Variants in RIN2 observed in about 807,000 individuals in gnomAD.
RIN2 encodes Ras and Rab interactor 2, also known as RAB5 interacting protein 2.
In RIN2, 36 loss-of-function variants were observed where a neutral mutation model predicts 78.0. The observed-to-expected ratio is 0.46, with a 90% CI of 0.35 to 0.61. The LOEUF (loss-of-function observed/expected upper bound fraction) is 0.61, where lower values mean the gene tolerates loss of function less well. RIN2 is among the 20% of genes least tolerant of loss of function. The probability of loss-of-function intolerance (pLI) is 0.00; values close to 1 mark genes in which losing one functional copy is unlikely to be tolerated. For synonymous variants in RIN2, 466 were observed against 466.8 expected (o/e 1.00, Z 0.02); for missense variants, 1,087 against 1,159.7 (o/e 0.94, Z 0.91).
chr20:19,840,854 C>A (rs2036555786), intron 2 of RIN2, among the ~76,000 whole-genome samples: 1 of 152,178 alleles, frequency 6.6e-6, no homozygotes, highest in African/African-American at 2.4e-5. Flanking sequence ...TCTAGGAACT[C>A]ACAGATTTCA....
At chr20:19,941,070 G>A (rs563452385) in intron 4 of RIN2, among the ~76,000 whole-genome samples, 20 of 152,228 alleles carry the variant, frequency 1.3e-4, no homozygotes, top group African/African-American at 3.4e-4. Flanking sequence ...AGATGCCTGC[G>A]GTCCCATGTC....
In RIN2 at chr20:19,935,096, T is replaced by C. The variant is rs756148676; in HGVS notation, c.58-3T>C. On this transcript the variant is annotated splice_region_variant and splice_polypyrimidine_tract_variant and intron_variant, in intron 3 of 12. Coordinates refer to ENST00000255006, the MANE Select transcript of RIN2 (RefSeq NM_018993.4). ...ACGTCATACTATTTTTGTCTTTGAA[T>C]AGCTCATTGACACAATTGCCTCGGA... is the stretch of plus-strand genomic sequence containing the variant. The C allele has an allele frequency of 1.9e-6, 3 of 1,586,416 alleles. No individual in the cohort carries two copies. The South Asian group carries it at 3.5e-5, about 18-fold the overall frequency.
intron 3 of RIN2, among the ~76,000 whole-genome samples, chr20:19,897,881 T>C (rs1360691241): frequency 6.6e-6 from 1 of 152,094 alleles, no homozygotes; most frequent in Non-Finnish European, 1.5e-5. Context: ...CTGGCAACTT[T>C]TATTTTAGTT....
intron 2 of RIN2, among the ~76,000 whole-genome samples, chr20:19,843,568 T>C (rs2036645693): frequency 6.6e-6 from 1 of 152,220 alleles, no homozygotes; most frequent in African/African-American, 2.4e-5. Context: ...ATTAGGTACT[T>C]AATAGACTAT....
At chr20:19,837,169 A>ACACACACACACACACAC (rs1491093860) in intron 2 of RIN2, among the ~76,000 whole-genome samples, 1 of 140,132 alleles carries the variant, frequency 7.1e-6, no homozygotes, top group African/African-American at 2.7e-5. Context: ...CGCCCCCCCC[A>ACACACACACACACACAC]ACACACACAC....
At chr20:19,813,502 C>T (rs1798058442) in intron 2 of RIN2, among the ~76,000 whole-genome samples, 1 of 152,212 alleles carries the variant, frequency 6.6e-6, no homozygotes, top group African/African-American at 2.4e-5. Flanking sequence ...TCCTAAGAGG[C>T]TTCCATTCGA....
chr20:19,806,630 C>T (rs1038326450), intron 2 of RIN2, among the ~76,000 whole-genome samples: 4 of 152,298 alleles, frequency 2.6e-5, no homozygotes, highest in African/African-American at 9.6e-5. Flanking sequence ...GGTGTGATGG[C>T]TCACACCTGT....
intron 3 of RIN2, among the ~76,000 whole-genome samples, chr20:19,920,825 A>C (rs773322291): frequency 6.6e-6 from 1 of 152,094 alleles, no homozygotes; most frequent in African/African-American, 2.4e-5. Context: ...ACAGGTGTGC[A>C]CCATGTCCAG....
At chr20:19,988,946 C>T (rs1324581237) in intron 9 of RIN2, among the ~76,000 whole-genome samples, 1 of 151,956 alleles carries the variant, frequency 6.6e-6, no homozygotes, top group South Asian at 2.1e-4. Flanking sequence ...GATACATGCA[C>T]GTACACATAC....
intron 2 of RIN2, among the ~76,000 whole-genome samples, chr20:19,866,844 C>T (rs988691733): frequency 1.2e-4 from 19 of 152,004 alleles, no homozygotes; most frequent in East Asian, 3.9e-4. Context: ...AGGCTGATCT[C>T]GATCTCCTGA....
At chr20:19,842,482 T>C (rs914020456) in intron 2 of RIN2, among the ~76,000 whole-genome samples, 32 of 148,668 alleles carry the variant, frequency 2.2e-4, no homozygotes, top group African/African-American at 7.7e-4. Flanking sequence ...CCTCAGGTGA[T>C]CCACCTGCCT....
chr20:19,942,121 AAGAAAG>A (rs2040900731), intron 4 of RIN2, among the ~76,000 whole-genome samples: 1 of 151,916 alleles, frequency 6.6e-6, no homozygotes, highest in Non-Finnish European at 1.5e-5. Flanking sequence ...AAAAAAAAAA[AAGAAAG>A]AGAAAGTATT....
chr20:19,839,578 A>G (rs755975493), intron 2 of RIN2, among the ~76,000 whole-genome samples: 4 of 152,198 alleles, frequency 2.6e-5, no homozygotes, highest in Admixed American at 6.5e-5. Context: ...CTGTCTTAAG[A>G]GAATTGCTTG....
At chr20:19,857,215 A>G (rs2037195448) in intron 2 of RIN2, among the ~76,000 whole-genome samples, 1 of 152,306 alleles carries the variant, frequency 6.6e-6, no homozygotes, top group Non-Finnish European at 1.5e-5. Context: ...CTCCATATAT[A>G]TGGAATCAAA....
chr20:19,947,804 G>A (rs1302087094), intron 4 of RIN2, among the ~76,000 whole-genome samples: 5 of 152,224 alleles, frequency 3.3e-5, no homozygotes, highest in African/African-American at 7.2e-5. Context: ...GGAGCCTGCC[G>A]CTCACTCCTT....
chr20:19,854,891 G>A (rs899519949), intron 2 of RIN2, among the ~76,000 whole-genome samples: 1 of 152,128 alleles, frequency 6.6e-6, no homozygotes, highest in Non-Finnish European at 1.5e-5. Flanking sequence ...CTGCCTGATT[G>A]CCCTGGCCAG....
intron 9 of RIN2, among the ~76,000 whole-genome samples, chr20:19,985,106 TCAC>T (rs2042584087): frequency 6.6e-6 from 1 of 152,172 alleles, no homozygotes; most frequent in African/African-American, 2.4e-5. Context: ...TCTCAAAGTC[TCAC>T]TGCCTTCTGG....
intron 3 of RIN2, among the ~76,000 whole-genome samples, chr20:19,902,000 A>C (rs2039005375): frequency 1.5e-5 from 2 of 137,644 alleles, no homozygotes; most frequent in Non-Finnish European, 3.1e-5. Flanking sequence ...TGGGCGACAG[A>C]ACGAGACTCT....
At chr20:19,931,715 T>C (rs2040446920) in intron 3 of RIN2, among the ~76,000 whole-genome samples, 1 of 151,994 alleles carries the variant, frequency 6.6e-6, no homozygotes, top group Non-Finnish European at 1.5e-5. Context: ...TTGCCTTTTT[T>C]TTTTTTTTTT....
Sources: gnomAD v4.1 joint callset for allele counts (sites outside exome capture counted in the v4.1 genomes callset) on GRCh38, gnomAD v4.1.1 for gene constraint, MANE v1.5 for transcripts, NCBI Gene and HGNC (gene_info 2026-07-23, HGNC 2026-07-21) for gene names.